Variants in TP73 observed in about 807,000 individuals in gnomAD.
The protein encoded by TP73 is p53-like transcription factor.
In TP73, 25 loss-of-function variants were observed where a neutral mutation model predicts 62.5. That is an observed-to-expected ratio of 0.40 (90% confidence interval 0.29 to 0.56). The LOEUF (loss-of-function observed/expected upper bound fraction) is 0.56. Ranked by LOEUF, TP73 falls within the 20% of genes least tolerant of loss-of-function variation. TP73 has a pLI of 0.46. For synonymous variants in TP73, 423 were observed against 377.5 expected (o/e 1.12, Z -1.40); for missense variants, 754 against 913.3 (o/e 0.83, Z 2.25).
At chr1:3,721,965 G>C (rs549148329) in intron 4 of TP73, 56 bp from the exon 5 acceptor site, 1 of 1,526,538 alleles carries the variant, frequency 6.6e-7, no homozygotes, top group Admixed American at 2.0e-5. Context: ...GGGGTGGCCT[G>C]GACAGGGGTG....
chr1:3,693,080 C>A (rs986152729), intron 3 of TP73, among the ~76,000 whole-genome samples: 3 of 150,230 alleles, frequency 2.0e-5, no homozygotes, highest in African/African-American at 7.5e-5. Flanking sequence ...GTGCCAGGAG[C>A]AGGTGGAGGC....
intron 5 of TP73, 89 bp downstream of exon 5, chr1:3,722,296 G>A (rs930862524): frequency 2.0e-5 from 30 of 1,476,064 alleles, no homozygotes; most frequent in Non-Finnish European, 2.6e-5. Context: ...GGGAGAGAGT[G>A]GGGCTGACAG....
chr1:3,731,523 G>C lies in TP73; in HGVS notation c.1545G>C (p.Gln515His). Residue 515 changes from glutamine to histidine, a missense_variant, in exon 13 of 14, where the codon CAG (glutamine) becomes CAC (histidine). Gln to His is a conservative substitution (Grantham distance 24). Coordinates refer to ENST00000378295, the MANE Select transcript of TP73 (RefSeq NM_005427.4). ...CIEYFTSQGL[Q>H]SIYHLQNLTI... ...AGTATTTCACCTCCCAAGGGTTACA[G>C]AGCATTTACCACCTGCAGAACCTGA... 6.2e-7 allele frequency: 1 copy of C among 1,613,880 alleles called. No individual in the cohort carries two copies. Among genetic ancestry groups the C allele is most frequent in the Non-Finnish European group, 8.5e-7 (1 of 1,180,022 alleles).
chr1:3,685,970 G>C (rs1052151311), intron 3 of TP73, among the ~76,000 whole-genome samples: 4 of 152,252 alleles, frequency 2.6e-5, no homozygotes, highest in Admixed American at 6.5e-5. Flanking sequence ...CAGACAGGCG[G>C]TTCTAGTGCC....
At chr1:3,707,935 C>A (rs967149396) in intron 4 of TP73, 144 bp downstream of exon 4, 1 of 1,362,712 alleles carries the variant, frequency 7.3e-7, no homozygotes, top group South Asian at 1.4e-5. Flanking sequence ...GGAGGAGCAT[C>A]GGGCAGGAGG....
chr1:3,719,827 G>A lies in TP73; in HGVS notation c.430-2194G>A, dbSNP rs918842893. On this transcript the variant is annotated intron_variant, in intron 4 of 13. Coordinates refer to ENST00000378295, the MANE Select transcript of TP73 (RefSeq NM_005427.4). Reference sequence around the variant, plus strand: ...CCTGCAGCTCCGACAGTCCAGGGCAGGCGCCCGCACAGGGGTGGGCTGCTA... The same window carrying A: ...CCTGCAGCTCCGACAGTCCAGGGCAAGCGCCCGCACAGGGGTGGGCTGCTA... Among the ~76,000 whole-genome samples the A allele has an allele frequency of 3.9e-5, 6 of 152,206 alleles. 1 individual carries two copies. Among genetic ancestry groups the A allele is most frequent in the Admixed American group, 3.3e-4 (5 of 15,282 alleles).
intron 1 of TP73, among the ~76,000 whole-genome samples, chr1:3,678,776 G>T (rs1366031783): frequency 6.6e-6 from 1 of 151,826 alleles, no homozygotes; most frequent in Non-Finnish European, 1.5e-5. Context: ...TAAAGGGGCA[G>T]ATTCCTGGGC....
intron 3 of TP73, among the ~76,000 whole-genome samples, chr1:3,695,508 C>T (rs191841345): frequency 2.4e-3 from 367 of 152,314 alleles, no homozygotes; most frequent in Middle Eastern, 6.8e-3. Context: ...CCATGCGTTG[C>T]GGGAACGTGG....
intron 1 of TP73, among the ~76,000 whole-genome samples, chr1:3,667,731 C>G (rs1336016681): frequency 3.0e-5 from 4 of 131,910 alleles, no homozygotes; most frequent in Non-Finnish European, 6.2e-5. Flanking sequence ...GCCTGGGCGA[C>G]AGAGAGAGAT....
intron 1 of TP73, chr1:3,668,476 A>G (rs1183546114): frequency 6.6e-6 from 1 of 151,584 alleles, no homozygotes; most frequent in Non-Finnish European, 1.5e-5. Context: ...ATTTGATATT[A>G]TGGCTGCATA....
intron 4 of TP73, among the ~76,000 whole-genome samples, chr1:3,710,768 A>T (rs541080625): frequency 3.9e-5 from 6 of 152,340 alleles, no homozygotes; most frequent in African/African-American, 1.4e-4. Context: ...GCACCCTCCC[A>T]CATGCATGCA....
intron 3 of TP73, among the ~76,000 whole-genome samples, chr1:3,692,034 A>G (rs1333088045): frequency 6.6e-6 from 1 of 151,988 alleles, no homozygotes; most frequent in Admixed American, 6.5e-5. Context: ...GCAGGCGAGG[A>G]TATGTGCAGA....
chr1:3,704,555 G>A (rs1419489273), intron 3 of TP73, among the ~76,000 whole-genome samples: 3 of 152,238 alleles, frequency 2.0e-5, no homozygotes, highest in Non-Finnish European at 4.4e-5. Context: ...CCTGAGGCCT[G>A]GGCGCTGCTC....
chr1:3,695,154 C>G (rs956762152), intron 3 of TP73, among the ~76,000 whole-genome samples: 2 of 152,226 alleles, frequency 1.3e-5, no homozygotes, highest in African/African-American at 2.4e-5. Flanking sequence ...GAGACATTAC[C>G]CACTTCTGCC....
chr1:3,683,324 T>C, intron 3 of TP73, 144 bp downstream of exon 3: 1 of 1,050,176 alleles, frequency 9.5e-7, no homozygotes, highest in Non-Finnish European at 1.3e-6. Context: ...CACTTCAAAT[T>C]GCAAAGGAGA....
intron 4 of TP73, 21 bp from the exon 5 acceptor site, chr1:3,722,000 G>A (rs779927603): frequency 7.6e-6 from 12 of 1,586,950 alleles, no homozygotes; most frequent in Middle Eastern, 1.7e-4. Flanking sequence ...GGTCTCACCC[G>A]CTCCCTCTCC....
chr1:3,727,909 C>G, intron 8 of TP73, 139 bp downstream of exon 8: 2 of 1,331,970 alleles, frequency 1.5e-6, no homozygotes, highest in Non-Finnish European at 2.0e-6. Flanking sequence ...CCTGACGGAG[C>G]CTGAGAGCAG....
At chr1:3,705,590 G>A (rs1162676668) in intron 3 of TP73, among the ~76,000 whole-genome samples, 1 of 152,252 alleles carries the variant, frequency 6.6e-6, no homozygotes, top group Non-Finnish European at 1.5e-5. Context: ...CAGGCCTGCT[G>A]GGGCTGTTGG....
chr1:3,705,091 C>CAGTGGCG (rs1431558422), intron 3 of TP73, among the ~76,000 whole-genome samples: 1 of 152,218 alleles, frequency 6.6e-6, no homozygotes, highest in Admixed American at 6.5e-5. Context: ...GGCTGGAGGG[C>CAGTGGCG]AGTGGCGTGA....
Sources: gnomAD v4.1 joint callset for allele counts (sites outside exome capture counted in the v4.1 genomes callset) on GRCh38, gnomAD v4.1.1 for gene constraint, MANE v1.5 for transcripts, NCBI Gene and HGNC (gene_info 2026-07-23, HGNC 2026-07-21) for gene names.